Variants in DNAH10 observed in about 807,000 individuals in gnomAD.
DNAH10 encodes the protein axonemal beta dynein heavy chain 10.
Under a neutral mutation model 506.6 loss-of-function variants are expected in DNAH10, and 348 were observed. The ratio of observed to expected loss-of-function variants is 0.69; its 90% CI spans 0.63 to 0.75. DNAH10 has a LOEUF of 0.75. Ranked by LOEUF, DNAH10 falls within the 30% of genes least tolerant of loss-of-function variation. DNAH10 has a pLI of 0.00. For missense variants in DNAH10, 5,179 were observed against 5,787.1 expected (o/e 0.89, Z 3.41); for synonymous variants, 2,059 against 2,198.6 (o/e 0.94, Z 1.78).
chr12:123,908,073 TC>T (rs1478724328), intron 57 of DNAH10, among the ~76,000 whole-genome samples: 4 of 130,674 alleles, frequency 3.1e-5, no homozygotes, highest in African/African-American at 1.3e-4. Context: ...GGCTGTCTCC[TC>T]CCTGTCTCTC....
At chr12:123,802,487 G>A (rs1182713655) in intron 16 of DNAH10, among the ~76,000 whole-genome samples, 1 of 152,134 alleles carries the variant, frequency 6.6e-6, no homozygotes, top group Admixed American at 6.5e-5. Flanking sequence ...TGTATTTTTA[G>A]TAGAGATGGG....
Position 123,813,821 on chromosome 12 carries a change from T to C in DNAH10, c.3689T>C (p.Ile1230Thr), listed in dbSNP as rs769253703. 2 of 1,613,422 alleles carry C rather than the reference T, an allele frequency of 1.2e-6. No individual in the cohort carries two copies. The highest frequency in any genetic ancestry group is 2.2e-5 in the East Asian group (1 of 44,890). ...LEDLKFVLAT[I>T]AEIRSKSLVM... ...GATCTCAAGTTTGTCCTTGCAACAATTGCAGAAATTAGAAGTAAATCTCTA... is the reference window on the plus strand; with the variant it reads ...GATCTCAAGTTTGTCCTTGCAACAACTGCAGAAATTAGAAGTAAATCTCTA... The change falls in exon 21 of 79, where the codon ATT (isoleucine) becomes ACT (threonine). Residue 1230 changes from isoleucine to threonine, a missense_variant. This residue lies in a region of DNAH10 where 4,844 missense variants were observed against 5,430.5 expected (regional missense o/e 0.89). Transcript: ENST00000673944.
chr12:123,799,875 A>G (rs984745919), intron 14 of DNAH10, among the ~76,000 whole-genome samples: 1 of 152,152 alleles, frequency 6.6e-6, no homozygotes, highest in South Asian at 2.1e-4. Context: ...CGTAGGGACC[A>G]AAGCAAGTGG....
At position 123,822,273 on chromosome 12, in the gene DNAH10, A is replaced by G. The variant is rs373106828; in HGVS notation, c.4179+1515A>G. ...GGTGCCTCTCATTGGTATGTTTCCC[A>G]TGCAAATTCATGCTATTCATTCATT... On this transcript the variant is annotated intron_variant, in intron 24 of 78. Transcript: ENST00000673944. Among the ~76,000 whole-genome samples the G allele has an allele frequency of 5.3e-5, 8 of 152,186 alleles. No individual in the cohort carries two copies. In the East Asian group the frequency reaches 1.2e-3, roughly 22 times the overall value.
In DNAH10 at chr12:123,800,342, C is replaced by A. The variant is rs763685612; in HGVS notation, c.2416C>A (p.Pro806Thr). Residue 806 changes from proline (P) to threonine (T), a missense_variant, in exon 15 of 79, where the codon CCT (proline) becomes ACT (threonine). Transcript: ENST00000673944. ...KYLEQLGFTV[P>T]ELARNVALQE... ...CTTAGAGCAGCTGGGGTTCACTGTC[C>A]CTGAATTAGCAAGAAATGTTGCTCT... is the stretch of plus-strand genomic sequence containing the variant. 3 of 1,613,922 alleles carry A rather than the reference C, an allele frequency of 1.9e-6. No homozygotes were observed. Among genetic ancestry groups the A allele is most frequent in the South Asian group, 1.1e-5 (1 of 91,056 alleles).
In DNAH10 at chr12:123,925,276, CAAAG is replaced by C; in HGVS notation, c.11921+77_11921+80del. On this transcript the variant is annotated intron_variant, in intron 68 of 78. Coordinates refer to ENST00000673944, the MANE Select transcript of DNAH10 (RefSeq NM_001372106.1). This position sits in a 1 kb window ranked among gnomAD's most constrained non-coding sequence, Gnocchi z 4.0. ...CTCTAGCGTCCTCCCACCTTGGACTCAAAGAAAGCAGAGGCTGACCAGCTCCCGA... is the reference window on the plus strand; with the variant it reads ...CTCTAGCGTCCTCCCACCTTGGACTCAAAGCAGAGGCTGACCAGCTCCCGA... The C allele has an allele frequency of 6.3e-7, 1 of 1,599,382 alleles. No individual in the cohort carries two copies. Among genetic ancestry groups the C allele is most frequent in the East Asian group, 2.2e-5 (1 of 44,672 alleles).
chr12:123,915,620 C>T (rs938216826), intron 62 of DNAH10, among the ~76,000 whole-genome samples: 4 of 152,180 alleles, frequency 2.6e-5, no homozygotes, highest in Admixed American at 6.5e-5. Context: ...TGGACTCAGA[C>T]GCTGTGTGGC....
chr12:123,774,276 G>A lies in DNAH10; in HGVS notation c.621+12G>A, dbSNP rs781128732. ...ATATTATATGTCAGGTAAACATGGA[G>A]AAAGGAAGAAATTCTAGTATTTCTA... On this transcript the variant is annotated intron_variant, in intron 5 of 78. Transcript: ENST00000673944. 8 of 1,548,530 alleles carry A rather than the reference G, an allele frequency of 5.2e-6. No homozygotes were observed. In the East Asian group the frequency reaches 1.4e-4, roughly 26 times the overall value.
rs770346100 is a variant in DNAH10, at chr12:123,767,676, G to A, written c.285G>A (p.Val95=). Residue 95 remains valine, a synonymous_variant, in exon 2 of 79, where the codon GTG becomes GTA. Coordinates refer to ENST00000673944, the MANE Select transcript of DNAH10 (RefSeq NM_001372106.1). ...CTTATTCTCAAAAAGTGGAGTCCGT[G>A]GATAAAGTGCGAGGTGTGGAGTTGG... ...EETYSQKVES[V]DKVRAKRVSL... is the part of the protein sequence containing the mutation. 1.9e-6 allele frequency: 3 copies of A among 1,611,426 alleles called. No homozygotes were observed. Among genetic ancestry groups the A allele is most frequent in the South Asian group, 1.1e-5 (1 of 90,278 alleles).
At chr12:123,882,022 G>A (rs1454849159) in intron 51 of DNAH10, 5 of 422,408 alleles carry the variant, frequency 1.2e-5, no homozygotes, top group Middle Eastern at 5.9e-4. Flanking sequence ...CTAAGTACAG[G>A]TGTTCTTTGG....
chr12:123,867,797 TTATGCTCCCATCGCTCTGGGACC>T (rs1951871282), intron 42 of DNAH10, 83 bp from the exon 43 acceptor site: 2 of 1,349,698 alleles, frequency 1.5e-6, no homozygotes, highest in Non-Finnish European at 2.0e-6. Context: ...ATGTTGGGTC[TTATGCTCCCATCGCTCTGGGACC>T]TGGGATCCCA....
chr12:123,764,949 C>G (rs1181710244), intron 1 of DNAH10, among the ~76,000 whole-genome samples: 1 of 152,114 alleles, frequency 6.6e-6, no homozygotes, highest in Non-Finnish European at 1.5e-5. Flanking sequence ...TTGTCACTCA[C>G]TCTCTGCTTG....
chr12:123,899,443 TCTTC>T (rs1033515036), intron 56 of DNAH10, among the ~76,000 whole-genome samples: 4 of 152,156 alleles, frequency 2.6e-5, no homozygotes, highest in Non-Finnish European at 1.5e-5. Flanking sequence ...CCTGCCTGCC[TCTTC>T]CTTCTCCTGC....
chr12:123,796,556 T>G, intron 12 of DNAH10, 100 bp from the exon 13 acceptor site: 5 of 1,076,244 alleles, frequency 4.6e-6, no homozygotes, highest in Non-Finnish European at 6.7e-6. Context: ...GAATATTTTT[T>G]GACATTCCAC....
intron 65 of DNAH10, among the ~76,000 whole-genome samples, chr12:123,922,760 C>T (rs912038358): frequency 2.6e-5 from 4 of 152,142 alleles, no homozygotes; most frequent in Non-Finnish European, 5.9e-5. Context: ...GCGTGTGAAT[C>T]CCTGGTGTCT....
intron 51 of DNAH10, 86 bp from the exon 52 acceptor site, chr12:123,887,056 C>T (rs1952766080): frequency 6.8e-7 from 1 of 1,472,372 alleles, no homozygotes; most frequent in African/African-American, 1.4e-5. Flanking sequence ...GCCCTCTGCA[C>T]TCTCCTCCAG....
chr12:123,807,109 C>G (rs1232106339), intron 18 of DNAH10, among the ~76,000 whole-genome samples: 1 of 152,094 alleles, frequency 6.6e-6, no homozygotes, highest in East Asian at 1.9e-4. Context: ...CTCATTCATT[C>G]ATTTGTTCAT....
chr12:123,876,269 C>T (rs539693982), intron 47 of DNAH10, among the ~76,000 whole-genome samples: 11 of 152,180 alleles, frequency 7.2e-5, no homozygotes, highest in Non-Finnish European at 1.5e-4. Flanking sequence ...AAACTCCCAC[C>T]GAGGGCTGGT....
At chr12:123,815,396 A>C (rs551499286) in intron 21 of DNAH10, among the ~76,000 whole-genome samples, 7 of 152,362 alleles carry the variant, frequency 4.6e-5, no homozygotes, top group African/African-American at 1.7e-4. Flanking sequence ...ATCAGTAATT[A>C]TGAATTTTAA....
Sources: gnomAD v4.1 joint callset for allele counts (sites outside exome capture counted in the v4.1 genomes callset) on GRCh38, gnomAD v4.1.1 for gene constraint, gnomAD v4.1.1 regional missense constraint, Gnocchi (gnomAD v3.1) non-coding constraint, MANE v1.5 for transcripts, NCBI Gene and HGNC (gene_info 2026-07-23, HGNC 2026-07-21) for gene names.